Variants in ACER3 observed in about 807,000 individuals in gnomAD.
ACER3 encodes alkCDase 3.
ACER3 carries 16 observed loss-of-function variants against 48.9 expected under a neutral mutation model. The observed-to-expected ratio is 0.33, with a 90% CI of 0.22 to 0.50. ACER3 has a LOEUF of 0.50. ACER3 is among the 20% of genes least tolerant of loss of function. The pLI is 0.98. For missense variants in ACER3, 227 were observed against 326.0 expected, an observed-to-expected ratio of 0.70 and a Z score of 2.34; for synonymous variants, 109 against 107.8, an observed-to-expected ratio of 1.01 and a Z score of -0.07.
chr11:77,003,727 C>CT (rs1197673745), intron 7 of ACER3, among the ~76,000 whole-genome samples: 2 of 152,096 alleles, frequency 1.3e-5, no homozygotes, highest in East Asian at 1.9e-4. Context: ...TGTCCCACAG[C>CT]TTTTTATATG....
intron 2 of ACER3, among the ~76,000 whole-genome samples, chr11:76,940,134 A>G (rs2134918299): frequency 6.6e-6 from 1 of 152,156 alleles, no homozygotes. Flanking sequence ...TTATTGCTTT[A>G]TTTTAGATAC....
Position 76,976,346 on chromosome 11 carries a change from G to T in ACER3, c.320+5G>T. The T allele has an allele frequency of 6.3e-7, 1 of 1,576,050 alleles. No homozygotes were observed. The stretch of plus-strand genomic sequence containing the variant: ...TTGCATATTTGTGTACTGCATGTAA[G>T]TACTTTTAAAATTTCATTGTTTGAT... On this transcript the variant is annotated splice_donor_5th_base_variant and intron_variant, in intron 4 of 10. Coordinates refer to ENST00000532485, the MANE Select transcript of ACER3 (RefSeq NM_018367.7).
intron 2 of ACER3, among the ~76,000 whole-genome samples, chr11:76,935,900 A>G (rs1947167774): frequency 6.6e-6 from 1 of 152,204 alleles, no homozygotes; most frequent in Non-Finnish European, 1.5e-5. Context: ...GATATAGAAC[A>G]TCTTCATTAC....
chr11:76,936,179 A>C (rs967620697), intron 2 of ACER3, among the ~76,000 whole-genome samples: 1 of 152,228 alleles, frequency 6.6e-6, no homozygotes, highest in African/African-American at 2.4e-5. Flanking sequence ...GGTGGCAGGC[A>C]AAGAGTAGAT....
chr11:76,873,252 G>A (rs1415554602), intron 1 of ACER3, among the ~76,000 whole-genome samples: 1 of 151,942 alleles, frequency 6.6e-6, no homozygotes, highest in African/African-American at 2.4e-5. Flanking sequence ...AGTGCTGCTG[G>A]TCTGGAGACT....
intron 7 of ACER3, chr11:77,011,411 C>T: frequency 1.0e-5 from 10 of 978,178 alleles, no homozygotes; most frequent in Non-Finnish European, 1.2e-5. Context: ...AGATAGCACC[C>T]TACCCCCACT....
intron 1 of ACER3, among the ~76,000 whole-genome samples, chr11:76,878,871 AGTGGTAT>A (rs754746956): frequency 9.2e-5 from 14 of 151,996 alleles, no homozygotes; most frequent in Non-Finnish European, 1.5e-4. Context: ...GAGTGTGTGT[AGTGGTAT>A]CTCATTGTAA....
intron 1 of ACER3, among the ~76,000 whole-genome samples, chr11:76,924,664 A>G (rs1946770867): frequency 1.3e-5 from 2 of 152,122 alleles, no homozygotes; most frequent in Admixed American, 1.3e-4. Context: ...TTTCCCCACT[A>G]TATTTTCTCA....
At chr11:76,885,821 T>C (rs1404306219) in intron 1 of ACER3, among the ~76,000 whole-genome samples, 4 of 152,134 alleles carry the variant, frequency 2.6e-5, no homozygotes, top group African/African-American at 4.8e-5. Flanking sequence ...TCCTTTGCTA[T>C]CTGGCTAGCT....
intron 1 of ACER3, among the ~76,000 whole-genome samples, chr11:76,876,405 T>C (rs1409026548): frequency 2.0e-5 from 3 of 152,230 alleles, no homozygotes; most frequent in Non-Finnish European, 4.4e-5. Context: ...CATATTGCTA[T>C]GTGGTAGGAT....
chr11:76,893,789 A>T (rs1465822648), intron 1 of ACER3, among the ~76,000 whole-genome samples: 1 of 152,276 alleles, frequency 6.6e-6, no homozygotes, highest in African/African-American at 2.4e-5. Flanking sequence ...AACATCAGAT[A>T]ATGCAATTAA....
At chr11:77,020,094 CTCTCTGATATCTGG>C (rs1949447377) in intron 10 of ACER3, among the ~76,000 whole-genome samples, 166 bp from the exon 11 acceptor site, 2 of 152,122 alleles carry the variant, frequency 1.3e-5, no homozygotes, top group South Asian at 4.1e-4. Flanking sequence ...AATAAAAATA[CTCTCTGATATCTGG>C]TCCAAGTCTA....
At chr11:76,921,610 T>C (rs1414498239) in intron 1 of ACER3, among the ~76,000 whole-genome samples, 1 of 152,202 alleles carries the variant, frequency 6.6e-6, no homozygotes, top group African/African-American at 2.4e-5. Flanking sequence ...GTGTAAATAC[T>C]CCAGGTTTGT....
At chr11:76,898,765 G>C (rs1406633915) in intron 1 of ACER3, among the ~76,000 whole-genome samples, 1 of 150,624 alleles carries the variant, frequency 6.6e-6, no homozygotes. Flanking sequence ...TTAACCGGGC[G>C]TAGTGGCGGG....
rs11237032 is a variant in ACER3 at position 76,958,887 on chromosome 11, C to T, written c.215-92C>T. 404 of 1,393,144 alleles carry T rather than the reference C, an allele frequency of 2.9e-4. 3 individuals carry two copies. In the African/African-American group the frequency reaches 5.1e-3, roughly 18 times the overall value. The allele number at this position is 1,393,144 out of a possible 1,614,324, so 86.3% of individuals were successfully genotyped here. ...ATTTTATAAACTTCATTATCCTTAA[C>T]TCAATGCTTTGAAATGTCTTATTGT... On this transcript the variant is annotated intron_variant, in intron 2 of 10. Coordinates refer to ENST00000532485, the MANE Select transcript of ACER3 (RefSeq NM_018367.7).
chr11:76,891,203 A>T (rs1945794964), intron 1 of ACER3, among the ~76,000 whole-genome samples: 2 of 150,928 alleles, frequency 1.3e-5, no homozygotes, highest in Middle Eastern at 6.9e-3. Context: ...AATGAATTTT[A>T]TAGAGGTTCA....
At chr11:76,883,007 G>A (rs1247365514) in intron 1 of ACER3, among the ~76,000 whole-genome samples, 1 of 151,812 alleles carries the variant, frequency 6.6e-6, no homozygotes, top group Non-Finnish European at 1.5e-5. Context: ...TGGCTTCAGT[G>A]TTCTGGTTCC....
rs1555025534 is a variant in ACER3, at chr11:77,025,464, G to C, written c.*5137G>C. ...TCTCTGTCACCCACGCTGGAGTGCA[G>C]TGGCAGGATCTCAACTCATTGCAAC... is the stretch of plus-strand genomic sequence containing the variant. On this transcript the variant is annotated 3_prime_UTR_variant, in exon 11 of 11. Transcript: ENST00000532485. 3 of 149,806 alleles carry C rather than the reference G, an allele frequency of 2.0e-5. No individual in the cohort carries two copies. Among genetic ancestry groups the C allele is most frequent in the African/African-American group, 7.5e-5 (3 of 40,158 alleles). The allele number at this position is 149,806 out of a possible 1,614,324, so 9.3% of individuals were successfully genotyped here.
At chr11:76,936,326 G>A (rs1947183933) in intron 2 of ACER3, among the ~76,000 whole-genome samples, 1 of 152,190 alleles carries the variant, frequency 6.6e-6, no homozygotes. Flanking sequence ...GGGCAAAGAT[G>A]ATGTGTTTTA....
Sources: gnomAD v4.1 joint callset for allele counts (sites outside exome capture counted in the v4.1 genomes callset) on GRCh38, gnomAD v4.1.1 for gene constraint, MANE v1.5 for transcripts, NCBI Gene and HGNC (gene_info 2026-07-23, HGNC 2026-07-21) for gene names.